Variants in TOR1AIP2 observed in about 807,000 individuals in gnomAD.
TOR1AIP2 encodes torsin-1A-interacting protein 2.
A neutral mutation model predicts 32.6 loss-of-function variants in TOR1AIP2; 20 were observed. The observed-to-expected ratio is 0.61, with a 90% CI of 0.43 to 0.89. TOR1AIP2 has a LOEUF of 0.89. TOR1AIP2 is among the 40% of genes least tolerant of loss of function. TOR1AIP2 has a pLI of 0.00. For missense variants in TOR1AIP2, 456 were observed against 553.8 expected (o/e 0.82, Z 1.77); for synonymous variants, 214 against 210.8 (o/e 1.02, Z -0.13).
chr1:179,846,479 C>T lies in TOR1AIP2; in HGVS notation c.1005G>A (p.Arg335=). ...VSPIQIDGAG[R]TWQDSDTVKL... ...TGACCGTGTCACTGTCCTGCCAGGT[C>T]CTTCCAGCCCCATCAATCTGAATGG... The change falls in exon 7 of 7, where the codon AGG becomes AGA. Residue 335 remains arginine (R), a synonymous_variant. Coordinates refer to ENST00000609928, the MANE Select transcript of TOR1AIP2 (RefSeq NM_001199260.2). 6.2e-7 allele frequency: 1 copy of T among 1,614,164 alleles called. No homozygotes were observed. Among genetic ancestry groups the T allele is most frequent in the Non-Finnish European group, 8.5e-7 (1 of 1,180,042 alleles).
At chr1:179,861,894 C>CT in intron 3 of TOR1AIP2, 1 of 935,272 alleles carries the variant, frequency 1.1e-6, no homozygotes, top group South Asian at 4.9e-5. Context: ...AGACAGTGGT[C>CT]TGACTATCTT....
Position 179,852,799 on chromosome 1 carries a change from A to G in TOR1AIP2, c.-134T>C. On this transcript the variant is annotated 5_prime_UTR_variant, in exon 4 of 7. An upstream start codon of the reference 5' UTR is lost. Transcript: ENST00000609928. Reference sequence around the variant, plus strand: ...TTCCCATGGACCCAGGAAATAAGGCATATATACAGTGACTAAAACAAAATG... The same window carrying G: ...TTCCCATGGACCCAGGAAATAAGGCGTATATACAGTGACTAAAACAAAATG... The G allele has an allele frequency of 6.7e-7, 1 of 1,493,232 alleles. No individual in the cohort carries two copies. Among genetic ancestry groups the G allele is most frequent in the Non-Finnish European group, 8.9e-7 (1 of 1,118,834 alleles). The allele number at this position is 1,493,232 out of a possible 1,614,324, so 92.5% of individuals were successfully genotyped here. A position where few individuals can be genotyped will look rare whatever the true frequency, so the allele number is the denominator to read the frequency against.
intron 2 of TOR1AIP2, among the ~76,000 whole-genome samples, chr1:179,866,366 A>T (rs1285961474): frequency 4.0e-5 from 6 of 151,800 alleles, no homozygotes; most frequent in Non-Finnish European, 7.4e-5. Flanking sequence ...AAAAATCAAG[A>T]GGGGCAAGTC....
In TOR1AIP2 at chr1:179,865,492, G is replaced by C. The variant is rs1696731345; in HGVS notation, c.-203C>G. On this transcript the variant is annotated 5_prime_UTR_variant, in exon 3 of 7. Coordinates refer to ENST00000609928, the MANE Select transcript of TOR1AIP2 (RefSeq NM_001199260.2). ...AATCCCAGCTTCTCAAGAAGAGATA[G>C]GGCTCTAGTCTAAATTAGTTATATT... The C allele has an allele frequency of 6.9e-6, 2 of 289,382 alleles. No homozygotes were observed. Among genetic ancestry groups the C allele is most frequent in the Middle Eastern group, 2.0e-3 (2 of 1,016 alleles). 17.9% of individuals were successfully genotyped at this position (289,382 alleles called of 1,614,324 possible).
rs2148415519 is a variant in TOR1AIP2 at position 179,841,628 on chromosome 1, A to G, written c.*4443T>C. The G allele has an allele frequency of 6.6e-6, 1 of 152,346 alleles. No homozygotes were observed. The highest frequency in any genetic ancestry group is 1.9e-4 in the East Asian group (1 of 5,186). 9.4% of individuals were successfully genotyped at this position (152,346 alleles called of 1,614,324 possible). ...GAGACCCTGTCTTTAAAACAAAAAG[A>G]AAGTACTTCTCTGCAAGTAAATTTT... On this transcript the variant is annotated 3_prime_UTR_variant, in exon 7 of 7. Coordinates refer to ENST00000609928, the MANE Select transcript of TOR1AIP2 (RefSeq NM_001199260.2).
chr1:179,856,869 C>T (rs535013159), intron 3 of TOR1AIP2, among the ~76,000 whole-genome samples: 1 of 152,344 alleles, frequency 6.6e-6, no homozygotes, highest in African/African-American at 2.4e-5. Context: ...CCGCCTCAGC[C>T]TCACAAAGTG....
At chr1:179,864,443 A>T in intron 3 of TOR1AIP2, 1 of 1,046,900 alleles carries the variant, frequency 9.6e-7, no homozygotes, top group Middle Eastern at 4.6e-4. Context: ...ACAGTATAGG[A>T]CTTCCCCTCT....
chr1:179,846,780 A>T lies in TOR1AIP2; in HGVS notation c.704T>A (p.Val235Glu), dbSNP rs762962227. Residue 235 changes from valine (V) to glutamate (E), a missense_variant, in exon 7 of 7, where the codon GTG (valine) becomes GAG (glutamate). By Grantham distance (121) the Val-to-Glu change is moderately radical (BLOSUM62 -2). Transcript: ENST00000609928. ...VLVVAVVASS[V>E]NSYYSSPAQQ... is the part of the protein sequence containing the mutation. ...GGCTGGAGAGGAATAGTAGCTATTC[A>T]CAGAACTTGCCACAACAGCCACAAC... 6.2e-7 allele frequency: 1 copy of T among 1,612,420 alleles called. No individual in the cohort carries two copies. Among genetic ancestry groups the T allele is most frequent in the East Asian group, 2.2e-5 (1 of 44,846 alleles).
intron 3 of TOR1AIP2, chr1:179,863,842 C>T: frequency 6.1e-6 from 6 of 985,348 alleles, no homozygotes; most frequent in Non-Finnish European, 7.2e-6. Context: ...TTTTCAACAG[C>T]TTTTTCTAAG....
At chr1:179,853,319 G>A (rs1403485664) in intron 3 of TOR1AIP2, among the ~76,000 whole-genome samples, 1 of 152,214 alleles carries the variant, frequency 6.6e-6, no homozygotes. Flanking sequence ...GACTGACTTT[G>A]AAGTGGTTTT....
rs569739063 is a variant in TOR1AIP2 at position 179,877,247 on chromosome 1, C to A, written c.-574G>T. 2 of 152,074 alleles carry A rather than the reference C, an allele frequency of 1.3e-5. No homozygotes were observed. Among genetic ancestry groups the A allele is most frequent in the African/African-American group, 4.8e-5 (2 of 41,408 alleles). 9.4% of individuals were successfully genotyped at this position (152,074 alleles called of 1,614,324 possible). On this transcript the variant is annotated 5_prime_UTR_variant, in exon 2 of 7. Coordinates refer to ENST00000609928, the MANE Select transcript of TOR1AIP2 (RefSeq NM_001199260.2). ...ATATACCCCCAACCTACCTCGTTTA[C>A]TGTTTGAGTGAGGCCAGGCGTGGTG...
rs1421365961 is a variant in TOR1AIP2 at position 179,840,476 on chromosome 1, C to T, written c.*5595G>A. 2 of 152,078 alleles carry T rather than the reference C, an allele frequency of 1.3e-5. No homozygotes were observed. Among genetic ancestry groups the T allele is most frequent in the African/African-American group, 4.8e-5 (2 of 41,400 alleles). 9.4% of individuals were successfully genotyped at this position (152,078 alleles called of 1,614,324 possible). On this transcript the variant is annotated 3_prime_UTR_variant, in exon 7 of 7. Coordinates refer to ENST00000609928, the MANE Select transcript of TOR1AIP2 (RefSeq NM_001199260.2). ...GGAGACCATTTGCCAAAATAAGAAC[C>T]AATTTATGGGCTTTTCAAGACATCA...
In TOR1AIP2 at chr1:179,850,829, CA is replaced by C. The variant is rs1406758422; in HGVS notation, c.553+15del. Reference sequence around the variant, plus strand: ...AGCAGTACAAAACAGGAGAGTAGTTCAGGGGGTTCTCTTACCTGGGGCCAGC... The same window carrying C: ...AGCAGTACAAAACAGGAGAGTAGTTCGGGGGTTCTCTTACCTGGGGCCAGC... On this transcript the variant is annotated intron_variant, in intron 5 of 6. Coordinates refer to ENST00000609928, the MANE Select transcript of TOR1AIP2 (RefSeq NM_001199260.2). 1.2e-6 allele frequency: 2 copies of C among 1,608,834 alleles called. No individual in the cohort carries two copies. The highest frequency in any genetic ancestry group is 1.7e-5 in the Admixed American group (1 of 59,668).
In TOR1AIP2 at chr1:179,846,458, C is replaced by T. The variant is rs139749343; in HGVS notation, c.1026G>A (p.Thr342=). Residue 342 remains threonine (T), a synonymous_variant, in exon 7 of 7, where the codon ACG becomes ACA. Transcript: ENST00000609928. ...GCTCCAGGTCAACCAACAGCTTGAC[C>T]GTGTCACTGTCCTGCCAGGTCCTTC... ...GAGRTWQDSD[T]VKLLVDLELS... is the part of the protein sequence containing the mutation. 43 of 1,614,040 alleles carry T rather than the reference C, an allele frequency of 2.7e-5. No individual in the cohort carries two copies. The highest frequency in any genetic ancestry group is 3.4e-5 in the Non-Finnish European group (40 of 1,180,048).
chr1:179,863,523 G>A (rs1354128119), intron 3 of TOR1AIP2: 8 of 984,762 alleles, frequency 8.1e-6, no homozygotes, highest in South Asian at 4.7e-5. Context: ...AAAACCTAAC[G>A]ATAAAAAGCA....
chr1:179,856,519 A>G (rs1167197230), intron 3 of TOR1AIP2, among the ~76,000 whole-genome samples: 1 of 152,204 alleles, frequency 6.6e-6, no homozygotes, highest in Non-Finnish European at 1.5e-5. Flanking sequence ...TTACAGTACA[A>G]GAAGTGGGAC....
chr1:179,859,563 TTTTTCC>T (rs1696433905), intron 3 of TOR1AIP2: 3 of 985,458 alleles, frequency 3.0e-6, no homozygotes, highest in Non-Finnish European at 3.6e-6. Flanking sequence ...CTATTTCTTC[TTTTTCC>T]TTTTCAGGGA....
At chr1:179,852,578 C>A in intron 4 of TOR1AIP2, 54 bp downstream of exon 4, 1 of 1,593,370 alleles carries the variant, frequency 6.3e-7, no homozygotes, top group East Asian at 2.2e-5. Context: ...TCTCTCTCTG[C>A]ACACCCCTGG....
rs534048407 is a variant in TOR1AIP2, at chr1:179,846,551, C to T, written c.933G>A (p.Leu311=). The change falls in exon 7 of 7, where the codon CTG becomes CTA. Residue 311 remains leucine (L), a synonymous_variant. Coordinates refer to ENST00000609928, the MANE Select transcript of TOR1AIP2 (RefSeq NM_001199260.2). ...AREGRETLKC[L]SHHVADAYTS... ...TGTAGGCATCTGCAACATGGTGGCTCAGGCACTTCAGGGTCTCTCTTCCCT... is the reference window on the plus strand; with the variant it reads ...TGTAGGCATCTGCAACATGGTGGCTTAGGCACTTCAGGGTCTCTCTTCCCT... 1 of 1,614,138 alleles carries T rather than the reference C, an allele frequency of 6.2e-7. No homozygotes were observed. The highest frequency in any genetic ancestry group is 1.1e-5 in the South Asian group (1 of 91,082).
Sources: allele counts gnomAD v4.1 joint callset (sites outside exome capture counted in the v4.1 genomes callset), GRCh38; gene constraint gnomAD v4.1.1; transcripts MANE v1.5; gene names NCBI Gene and HGNC (gene_info 2026-07-23, HGNC 2026-07-21).